PER1: variants seen among roughly 807,000 people sequenced by gnomAD.
The protein encoded by PER1 is period circadian regulator 1, also known as period circadian protein homolog 1.
A neutral mutation model predicts 125.9 loss-of-function variants in PER1; 87 were observed. The observed-to-expected ratio is 0.69, with a 90% CI of 0.58 to 0.83. PER1 has a LOEUF of 0.83. PER1 is among the 40% of genes least tolerant of loss of function. PER1 has a pLI of 0.00. For missense variants in PER1, 1,775 were observed against 1,722.8 expected, an observed-to-expected ratio of 1.03 and a Z score of -0.54; for synonymous variants, 801 against 714.7, an observed-to-expected ratio of 1.12 and a Z score of -1.93.
chr17:8,144,256 G>A (rs570790372), intron 18 of PER1: 75 of 393,312 alleles, frequency 1.9e-4, no homozygotes, highest in African/African-American at 1.5e-3. Context: ...TGCCCATCGA[G>A]GCCGTATTCT....
chr17:8,146,542 GGGGTGGGCA>G (rs1982452307), intron 15 of PER1, 40 bp from the exon 16 acceptor site: 1 of 1,603,812 alleles, frequency 6.2e-7, no homozygotes, highest in Non-Finnish European at 8.5e-7. Context: ...AGCAGGGCTT[GGGGTGGGCA>G]GGGTTAGAGC....
At position 8,148,270 on chromosome 17, in the gene PER1, G is replaced by A. The variant is rs1982589543; in HGVS notation, c.1049-11C>T. 1 of 1,609,632 alleles carries A rather than the reference G, an allele frequency of 6.2e-7. No individual in the cohort carries two copies. The highest frequency in any genetic ancestry group is 8.5e-7 in the Non-Finnish European group (1 of 1,177,404). On this transcript the variant is annotated splice_polypyrimidine_tract_variant and intron_variant, in intron 8 of 22. Coordinates refer to ENST00000317276, the MANE Select transcript of PER1 (RefSeq NM_002616.3). ...GGGGTATCCGGGGAGCTGAGGCACAGAGAGTGTGGTCACTGGGTTTCGTCC... is the reference window on the plus strand; with the variant it reads ...GGGGTATCCGGGGAGCTGAGGCACAAAGAGTGTGGTCACTGGGTTTCGTCC...
At position 8,148,170 on chromosome 17, in the gene PER1, C is replaced by T. The variant is rs1982580127; in HGVS notation, c.1127+11G>A. The T allele has an allele frequency of 6.2e-7, 1 of 1,613,682 alleles. No homozygotes were observed. The highest frequency in any genetic ancestry group is 1.7e-5 in the Admixed American group (1 of 59,994). Reference sequence around the variant, plus strand: ...CTGGCTGCCCTCGTCTCCTCTAGGTCCTATCCTCACCTTTCATCCACATCC... The same window carrying T: ...CTGGCTGCCCTCGTCTCCTCTAGGTTCTATCCTCACCTTTCATCCACATCC... On this transcript the variant is annotated intron_variant, in intron 9 of 22. Transcript: ENST00000317276.
chr17:8,143,568 G>A lies in PER1; in HGVS notation c.2770C>T (p.Pro924Ser), dbSNP rs1175125068. The A allele has an allele frequency of 1.4e-6, 2 of 1,473,138 alleles. No homozygotes were observed. Among genetic ancestry groups the A allele is most frequent in the Non-Finnish European group, 1.8e-6 (2 of 1,107,044 alleles). 91.3% of individuals were successfully genotyped at this position (1,473,138 alleles called of 1,614,324 possible). The change falls in exon 19 of 23, where the codon CCT (proline) becomes TCT (serine). Residue 924 changes from proline (P) to serine (S), a missense_variant. Pro to Ser is a moderately conservative substitution (Grantham distance 74). Transcript: ENST00000317276. Reference protein sequence around the residue: ...LVTPMVALVLPNYLFPTPSSY... With the variant: ...LVTPMVALVLSNYLFPTPSSY... ...GATGGGGTTGGGAACAGATAGTTAG[G>A]GAGCACCAAGGCCACCATTGGGGTC...
In PER1 at chr17:8,141,374, C is replaced by G; in HGVS notation, c.3601-34G>C. The G allele has an allele frequency of 3.2e-6, 5 of 1,566,232 alleles. No homozygotes were observed. The South Asian group carries it at 3.5e-5, about 11-fold the overall frequency. On this transcript the variant is annotated intron_variant, in intron 22 of 22. Coordinates refer to ENST00000317276, the MANE Select transcript of PER1 (RefSeq NM_002616.3). ...GAGAAATGGACATGAGAGAGTCAGACAGGGTTCTCACTGCTAACCTGCCAG... is the reference window on the plus strand; with the variant it reads ...GAGAAATGGACATGAGAGAGTCAGAGAGGGTTCTCACTGCTAACCTGCCAG...
Position 8,143,792 on chromosome 17 carries a change from C to G in PER1, c.2546G>C (p.Arg849Pro), listed in dbSNP as rs548724906. 6.2e-7 allele frequency: 1 copy of G among 1,608,606 alleles called. No individual in the cohort carries two copies. The highest frequency in any genetic ancestry group is 1.7e-5 in the Admixed American group (1 of 59,542). ...TGAGACATAGCAGGGCGCTTCAGCC[C>G]GAGGGTTCTGGTGGTGGCGTGAGCG... ...AKRSRHHQNPRAEAPCYVSHP... is the reference protein window; with the variant it reads ...AKRSRHHQNPPAEAPCYVSHP... The change falls in exon 19 of 23, where the codon CGG becomes CCG. Residue 849 changes from arginine to proline, a missense_variant. Coordinates refer to ENST00000317276, the MANE Select transcript of PER1 (RefSeq NM_002616.3).
chr17:8,144,101 G>C (rs1982272463), intron 18 of PER1: 3 of 615,002 alleles, frequency 4.9e-6, no homozygotes. Context: ...GCCAGGGAGA[G>C]GTTACACGAG....
chr17:8,148,151 G>T, intron 9 of PER1, 30 bp downstream of exon 9: 3 of 1,611,928 alleles, frequency 1.9e-6, no homozygotes, highest in Non-Finnish European at 2.5e-6. Flanking sequence ...AGCCCTGGCT[G>T]CCCTCGTCTC....
Position 8,147,243 on chromosome 17 carries a change from C to T in PER1, c.1629+7G>A, listed in dbSNP as rs1373018648. ...ATTAGAGGGTGAGGTAGGAGCAGGT[C>T]ACTCACTGGCGCAGGAGGCCCAGGC... is the stretch of plus-strand genomic sequence containing the variant. On this transcript the variant is annotated splice_region_variant and intron_variant, in intron 13 of 22. Coordinates refer to ENST00000317276, the MANE Select transcript of PER1 (RefSeq NM_002616.3). The T allele has an allele frequency of 6.2e-7, 1 of 1,601,914 alleles. No individual in the cohort carries two copies. The highest frequency in any genetic ancestry group is 8.5e-7 in the Non-Finnish European group (1 of 1,174,264).
intron 19 of PER1, 48 bp downstream of exon 19, chr17:8,143,218 C>T (rs774512067): frequency 3.7e-6 from 4 of 1,084,298 alleles, no homozygotes; most frequent in Admixed American, 3.7e-5. Context: ...GGCAGAGGGG[C>T]GGGGCTGGGG....
intron 1 of PER1, among the ~76,000 whole-genome samples, chr17:8,151,399 G>A (rs1982854372): frequency 6.6e-6 from 1 of 152,178 alleles, no homozygotes; most frequent in Admixed American, 6.5e-5. Flanking sequence ...CCCATTTCCC[G>A]GCGGAAGTGG....
In PER1 at chr17:8,146,262, G is replaced by A. The variant is rs184675811; in HGVS notation, c.2038+110C>T. 13,314 of 1,517,756 alleles carry A rather than the reference G, an allele frequency of 8.8e-3. 88 individuals are homozygous for A. Among genetic ancestry groups the A allele is most frequent in the South Asian group, 0.012 (936 of 77,734 alleles). 94.0% of individuals were successfully genotyped at this position (1,517,756 alleles called of 1,614,324 possible). A position where few individuals can be genotyped will look rare whatever the true frequency, so the allele number is the denominator to read the frequency against. ...GAGGGAACAGTCTGGAGACCAGGAGGCTGGGGAGGAGAGCAGGGCAGAGCA... is the reference window on the plus strand; with the variant it reads ...GAGGGAACAGTCTGGAGACCAGGAGACTGGGGAGGAGAGCAGGGCAGAGCA... On this transcript the variant is annotated intron_variant, in intron 16 of 22. Coordinates refer to ENST00000317276, the MANE Select transcript of PER1 (RefSeq NM_002616.3).
At chr17:8,142,056 G>T in intron 21 of PER1, 101 bp from the exon 22 acceptor site, 1 of 1,477,494 alleles carries the variant, frequency 6.8e-7, no homozygotes, top group Non-Finnish European at 9.3e-7. Flanking sequence ...CCCACCTCAT[G>T]CTCCTCCCCT....
At position 8,140,545 on chromosome 17, in the gene PER1, G is replaced by C. The variant is rs988504586; in HGVS notation, c.*523C>G. 1.7e-5 allele frequency: 4 copies of C among 230,126 alleles called. No individual in the cohort carries two copies. Among genetic ancestry groups the C allele is most frequent in the Non-Finnish European group, 2.6e-5 (3 of 116,122 alleles). The allele number at this position is 230,126 out of a possible 1,614,324, so 14.3% of individuals were successfully genotyped here. A position where few individuals can be genotyped will look rare whatever the true frequency, so the allele number is the denominator to read the frequency against. On this transcript the variant is annotated 3_prime_UTR_variant, in exon 23 of 23. Coordinates refer to ENST00000317276, the MANE Select transcript of PER1 (RefSeq NM_002616.3). ...CAAAAACACAAATGCCATCGGCAGA[G>C]GGTACAGCTGAGAACGCCTGGGTCC...
At position 8,144,793 on chromosome 17, in the gene PER1, G is replaced by C; in HGVS notation, c.2419C>G (p.Leu807Val). The C allele has an allele frequency of 6.3e-7, 1 of 1,584,828 alleles. No individual in the cohort carries two copies. Among genetic ancestry groups the C allele is most frequent in the Non-Finnish European group, 8.6e-7 (1 of 1,165,754 alleles). ...GAGGGAGCTGTGGAAGAGCTGTCGA[G>C]TCCACGCAGCCTGCCCAGGTCTCGG... is the stretch of plus-strand genomic sequence containing the variant. ...RFRDLGRLRG[L>V]DSSSTAPSAL... The change falls in exon 18 of 23, where the codon CTC (leucine) becomes GTC (valine). Residue 807 changes from leucine (L) to valine (V), a missense_variant. Transcript: ENST00000317276.
chr17:8,142,551 TC>T, intron 20 of PER1, 93 bp from the exon 21 acceptor site: 1 of 1,558,610 alleles, frequency 6.4e-7, no homozygotes, highest in Non-Finnish European at 8.7e-7. Context: ...CACATGTCCA[TC>T]CCAGTGGCCT....
rs142858768 is a variant in PER1 at position 8,143,866 on chromosome 17, G to A, written c.2472C>T (p.His824=). Residue 824 remains histidine (H), a synonymous_variant, in exon 19 of 23, where the codon CAC becomes CAT. Coordinates refer to ENST00000317276, the MANE Select transcript of PER1 (RefSeq NM_002616.3). The part of the protein sequence containing the change: ...PSALGERGCH[H]GPAPPSRRHH... Reference sequence around the variant, plus strand: ...GTCGGCGGCTTGGGGGTGCGGGGCCGTGGTGGCAGCCTGTGGGGAGAGACT... The same window carrying A: ...GTCGGCGGCTTGGGGGTGCGGGGCCATGGTGGCAGCCTGTGGGGAGAGACT... The A allele has an allele frequency of 2.8e-5, 45 of 1,609,204 alleles. No homozygotes were observed. The highest frequency in any genetic ancestry group is 6.7e-5 in the African/African-American group (5 of 74,950).
rs140853060 is a variant in PER1 at position 8,149,277 on chromosome 17, G to C, written c.887C>G (p.Ser296Cys). The change falls in exon 7 of 23, where the codon TCC (serine) becomes TGC (cysteine). Residue 296 changes from serine to cysteine, a missense_variant. Coordinates refer to ENST00000317276, the MANE Select transcript of PER1 (RefSeq NM_002616.3). ...SGLRDFTQEK[S>C]VFCRIRGGPD... ...CACCTACCTGATACGGCAGAAGACG[G>C]ACTTCTCCTGGGTAAAGTCCCTGAG... 7.8e-4 allele frequency: 1,260 copies of C among 1,613,800 alleles called. 2 individuals are homozygous for C. The highest frequency in any genetic ancestry group is 1.2e-3 in the Admixed American group (71 of 60,012).
rs774422346 is a variant in PER1, at chr17:8,149,770, G to A, written c.636C>T (p.Tyr212=). ...CGCCGCTGACCTGGTTCTGAAGTGT[G>A]TACTCAGACGTGATGTGCTCCAGCT... ...LEELEHITSE[Y]TLQNQDTFSV... Residue 212 remains tyrosine (Y), a synonymous_variant, in exon 5 of 23, where the codon TAC becomes TAT. Coordinates refer to ENST00000317276, the MANE Select transcript of PER1 (RefSeq NM_002616.3). The A allele has an allele frequency of 3.7e-6, 6 of 1,612,874 alleles. No individual in the cohort carries two copies. The highest frequency in any genetic ancestry group is 3.4e-6 in the Non-Finnish European group (4 of 1,180,028).
Sources: allele counts gnomAD v4.1 joint callset (sites outside exome capture counted in the v4.1 genomes callset), GRCh38; gene constraint gnomAD v4.1.1; transcripts MANE v1.5; gene names NCBI Gene and HGNC (gene_info 2026-07-23, HGNC 2026-07-21).